Variants in LRRTM4 observed in about 807,000 individuals in gnomAD.
LRRTM4 encodes the protein leucine rich repeat transmembrane neuronal 4, also known as leucine-rich repeat transmembrane neuronal protein 4.
Under a neutral mutation model 47.6 loss-of-function variants are expected in LRRTM4, and 25 were observed. The ratio of observed to expected loss-of-function variants is 0.53; its 90% CI spans 0.38 to 0.73. LRRTM4 has a LOEUF of 0.73. LRRTM4 is among the 30% of genes least tolerant of loss of function. The probability of loss-of-function intolerance (pLI) is 0.00; values close to 1 mark genes in which losing one functional copy is unlikely to be tolerated. For synonymous variants in LRRTM4, 311 were observed against 269.5 expected (o/e 1.15, Z -1.51); for missense variants, 638 against 713.4 (o/e 0.89, Z 1.20).
intron 3 of LRRTM4, among the ~76,000 whole-genome samples, chr2:77,333,918 G>A (rs867296499): frequency 2.1e-4 from 32 of 152,274 alleles, no homozygotes; most frequent in South Asian, 6.2e-4. Context: ...GCAAAGCCAC[G>A]GGGGCAGAGC....
chr2:76,968,176 A>G (rs978686034), intron 3 of LRRTM4, among the ~76,000 whole-genome samples: 3 of 151,226 alleles, frequency 2.0e-5, no homozygotes, highest in African/African-American at 7.3e-5. Context: ...AAAGTAGCTT[A>G]CAAGACATTC....
chr2:77,033,822 ATAAT>A (rs1301752015), intron 3 of LRRTM4, among the ~76,000 whole-genome samples: 1 of 151,906 alleles, frequency 6.6e-6, no homozygotes, highest in Admixed American at 6.6e-5. Context: ...ACTAATAAAA[ATAAT>A]TAACTTATAA....
intron 3 of LRRTM4, among the ~76,000 whole-genome samples, chr2:77,278,678 G>A (rs1278801127): frequency 6.6e-6 from 1 of 151,946 alleles, no homozygotes; most frequent in East Asian, 1.9e-4. Flanking sequence ...TAGCTGAAGA[G>A]GAAGGACTCA....
intron 3 of LRRTM4, among the ~76,000 whole-genome samples, chr2:77,338,949 G>A (rs889746322): frequency 2.6e-5 from 4 of 152,058 alleles, no homozygotes; most frequent in Admixed American, 6.6e-5. Flanking sequence ...GTCCTTTGCA[G>A]CAACATAGAT....
At chr2:77,447,895 T>C (rs1348095356) in intron 3 of LRRTM4, among the ~76,000 whole-genome samples, 1 of 152,156 alleles carries the variant, frequency 6.6e-6, no homozygotes, top group African/African-American at 2.4e-5. Flanking sequence ...CACAAAGGTG[T>C]TAGTAATGAA....
At chr2:77,391,317 T>C (rs1673496025) in intron 3 of LRRTM4, among the ~76,000 whole-genome samples, 1 of 151,996 alleles carries the variant, frequency 6.6e-6, no homozygotes. Flanking sequence ...CTGCAGATGG[T>C]TATCTCTGGG....
At chr2:77,270,477 G>T (rs1423848394) in intron 3 of LRRTM4, among the ~76,000 whole-genome samples, 1 of 152,162 alleles carries the variant, frequency 6.6e-6, no homozygotes, top group East Asian at 1.9e-4. Context: ...CACAATAAAT[G>T]TGTAGTAAAA....
chr2:77,088,036 T>C (rs954453386), intron 3 of LRRTM4, among the ~76,000 whole-genome samples: 30 of 152,224 alleles, frequency 2.0e-4, no homozygotes, highest in African/African-American at 6.5e-4. Flanking sequence ...GGACAACAAA[T>C]ACAAGTAAGT....
chr2:77,101,843 A>C (rs902249236), intron 3 of LRRTM4, among the ~76,000 whole-genome samples: 1 of 152,202 alleles, frequency 6.6e-6, no homozygotes, highest in Non-Finnish European at 1.5e-5. Context: ...CAGTTTGTTT[A>C]ATCATGTTGC....
chr2:77,360,537 A>ATTC (rs1558706320), intron 3 of LRRTM4, among the ~76,000 whole-genome samples: 20 of 119,718 alleles, frequency 1.7e-4, no homozygotes, highest in Non-Finnish European at 2.1e-4. Context: ...GATACGATAC[A>ATTC]ATACAATCAT....
intron 3 of LRRTM4, among the ~76,000 whole-genome samples, chr2:77,095,106 G>A (rs762645893): frequency 3.4e-4 from 52 of 152,120 alleles, no homozygotes; most frequent in Non-Finnish European, 5.6e-4. Flanking sequence ...GTGAGCAAAG[G>A]ATCTGAACAG....
chr2:77,212,792 T>TAAAA (rs1674332477), intron 3 of LRRTM4, among the ~76,000 whole-genome samples: 1 of 152,138 alleles, frequency 6.6e-6, no homozygotes, highest in South Asian at 2.1e-4. Context: ...AATTTACCTC[T>TAAAA]AATACAATTG....
At chr2:77,274,458 A>T (rs149750833) in intron 3 of LRRTM4, among the ~76,000 whole-genome samples, 1 of 152,274 alleles carries the variant, frequency 6.6e-6, no homozygotes, top group South Asian at 2.1e-4. Flanking sequence ...GAATTTTTTT[A>T]TTTAAAGAAC....
At chr2:77,190,441 C>G (rs958319651) in intron 3 of LRRTM4, among the ~76,000 whole-genome samples, 4 of 151,802 alleles carry the variant, frequency 2.6e-5, no homozygotes, top group African/African-American at 7.3e-5. Context: ...ATAACAGGTG[C>G]CTGCCACCAC....
chr2:77,211,850 CATT>C (rs1324131846), intron 3 of LRRTM4, among the ~76,000 whole-genome samples: 1 of 151,964 alleles, frequency 6.6e-6, no homozygotes, highest in Non-Finnish European at 1.5e-5. Context: ...TTAATTATTA[CATT>C]ATTATATATA....
At chr2:77,042,990 T>C (rs1232108555) in intron 3 of LRRTM4, among the ~76,000 whole-genome samples, 1 of 151,742 alleles carries the variant, frequency 6.6e-6, no homozygotes, top group East Asian at 1.9e-4. Flanking sequence ...TTTCTTAGGC[T>C]CTGTCTCTGT....
intron 3 of LRRTM4, among the ~76,000 whole-genome samples, chr2:77,046,721 G>T (rs1379484510): frequency 1.3e-5 from 2 of 151,938 alleles, no homozygotes; most frequent in African/African-American, 4.8e-5. Context: ...GAAAAAGGCA[G>T]AAGGAGGTCT....
chr2:77,081,682 G>A (rs913342857), intron 3 of LRRTM4, among the ~76,000 whole-genome samples: 5 of 152,104 alleles, frequency 3.3e-5, no homozygotes, highest in African/African-American at 1.2e-4. Flanking sequence ...TATTTCATTA[G>A]CAGTTTATCA....
At chr2:76,876,627 T>A (rs1025876248) in intron 3 of LRRTM4, among the ~76,000 whole-genome samples, 2 of 152,046 alleles carry the variant, frequency 1.3e-5, no homozygotes, top group African/African-American at 4.8e-5. Flanking sequence ...AGAGCATAAT[T>A]CTTTATGCTC....
Sources: gnomAD v4.1 joint callset for allele counts (sites outside exome capture counted in the v4.1 genomes callset) on GRCh38, gnomAD v4.1.1 for gene constraint, MANE v1.5 for transcripts, NCBI Gene and HGNC (gene_info 2026-07-23, HGNC 2026-07-21) for gene names.